The following PDCD10 variants were observed in gnomAD, a reference collection of about 807,000 sequenced individuals.
The protein encoded by PDCD10 is programmed cell death 10, also known as programmed cell death protein 10.
Under a neutral mutation model 29.2 loss-of-function variants are expected in PDCD10, and 4 were observed. The ratio of observed to expected loss-of-function variants is 0.14; its 90% CI spans 0.07 to 0.31. The LOEUF (loss-of-function observed/expected upper bound fraction) is 0.31, where lower values mean the gene tolerates loss of function less well. Ranked by LOEUF, PDCD10 falls within the 10% of genes least tolerant of loss-of-function variation. The pLI, the probability that PDCD10 is intolerant of heterozygous loss-of-function variation, is 1.00. For missense variants in PDCD10, 183 were observed against 257.9 expected (o/e 0.71, Z 1.99); for synonymous variants, 70 against 82.2 (o/e 0.85, Z 0.80).
At chr3:167,720,798 A>T (rs562587182) in intron 2 of PDCD10, among the ~76,000 whole-genome samples, 1 of 152,114 alleles carries the variant, frequency 6.6e-6, no homozygotes, top group Admixed American at 6.6e-5. Flanking sequence ...CACAAACATA[A>T]CAAGCACCAA....
chr3:167,728,876 C>T (rs1282337262), intron 2 of PDCD10, among the ~76,000 whole-genome samples: 1 of 152,228 alleles, frequency 6.6e-6, no homozygotes, highest in Non-Finnish European at 1.5e-5. Flanking sequence ...ACATGTCACA[C>T]TGCCACTTGG....
At chr3:167,728,847 A>T (rs535957621) in intron 2 of PDCD10, among the ~76,000 whole-genome samples, 24 of 152,306 alleles carry the variant, frequency 1.6e-4, no homozygotes, top group African/African-American at 5.5e-4. Flanking sequence ...GGGAAGAGAG[A>T]CAGTAAAGAA....
intron 6 of PDCD10, among the ~76,000 whole-genome samples, chr3:167,691,609 A>C (rs1720248736): frequency 6.6e-6 from 1 of 152,214 alleles, no homozygotes; most frequent in African/African-American, 2.4e-5. Flanking sequence ...AGGATGTCAA[A>C]GTGACAGGAT....
intron 2 of PDCD10, among the ~76,000 whole-genome samples, chr3:167,727,328 GA>G (rs1340533709): frequency 2.0e-5 from 3 of 152,136 alleles, no homozygotes; most frequent in Admixed American, 2.0e-4. Flanking sequence ...TGTTCAGGGG[GA>G]AAAACATACA....
intron 3 of PDCD10, among the ~76,000 whole-genome samples, chr3:167,711,760 A>G (rs1354903217): frequency 1.3e-5 from 2 of 152,150 alleles, no homozygotes; most frequent in East Asian, 1.9e-4. Flanking sequence ...AGGATCCTAA[A>G]AGCAGCAAGA....
intron 5 of PDCD10, 91 bp downstream of exon 5, chr3:167,696,918 G>A (rs376487400): frequency 6.3e-6 from 5 of 790,112 alleles, no homozygotes; most frequent in South Asian, 1.3e-5. Context: ...AAAACAGTAG[G>A]GAAGGAAGAT....
chr3:167,724,092 A>G (rs1313246841), intron 2 of PDCD10, among the ~76,000 whole-genome samples: 1 of 152,168 alleles, frequency 6.6e-6, no homozygotes, highest in Non-Finnish European at 1.5e-5. Flanking sequence ...ACACATGGGT[A>G]TATCTCAGGG....
At chr3:167,686,540 A>T (rs145741696) in intron 8 of PDCD10, among the ~76,000 whole-genome samples, 3 of 152,348 alleles carry the variant, frequency 2.0e-5, no homozygotes, top group African/African-American at 7.2e-5. Context: ...ACTCTAATGC[A>T]CAGAAAGGAT....
rs1374483656 is a variant in PDCD10, at chr3:167,687,806, C to G, written c.396-113G>C. The G allele has an allele frequency of 1.0e-5, 7 of 691,558 alleles. No individual in the cohort carries two copies. In the South Asian group the frequency reaches 1.1e-4, roughly 11 times the overall value. 42.8% of individuals were successfully genotyped at this position (691,558 alleles called of 1,614,324 possible). A position where few individuals can be genotyped will look rare whatever the true frequency, so the allele number is the denominator to read the frequency against. ...GTACACTCTTAATCTAATCACAGTA[C>G]ACTCTTAATTATGTTAAGCGCAATC... On this transcript the variant is annotated intron_variant, in intron 6 of 8. Coordinates refer to ENST00000392750, the MANE Select transcript of PDCD10 (RefSeq NM_007217.4).
At chr3:167,732,437 A>T (rs1221657190) in intron 2 of PDCD10, among the ~76,000 whole-genome samples, 1 of 152,226 alleles carries the variant, frequency 6.6e-6, no homozygotes, top group Non-Finnish European at 1.5e-5. Context: ...AAATGCAGAC[A>T]CTGGTGAGCT....
In PDCD10 at chr3:167,734,890, C is replaced by G. The variant is rs1725264450; in HGVS notation, c.-482G>C. On this transcript the variant is annotated 5_prime_UTR_variant, in exon 1 of 9. Transcript: ENST00000392750. ...ATTCACTCCGGCGACGCCGGAAGGACCCAAGAGGAACCAGGCGTTGTCCGG... is the reference window on the plus strand; with the variant it reads ...ATTCACTCCGGCGACGCCGGAAGGAGCCAAGAGGAACCAGGCGTTGTCCGG... 1.3e-5 allele frequency: 2 copies of G among 153,116 alleles called. No individual in the cohort carries two copies. Among genetic ancestry groups the G allele is most frequent in the African/African-American group, 4.8e-5 (2 of 41,482 alleles). 9.5% of individuals were successfully genotyped at this position (153,116 alleles called of 1,614,324 possible). A position where few individuals can be genotyped will look rare whatever the true frequency, so the allele number is the denominator to read the frequency against.
intron 2 of PDCD10, chr3:167,730,966 A>G (rs1724741636): frequency 6.6e-6 from 1 of 152,158 alleles, no homozygotes; most frequent in Admixed American, 6.5e-5. Context: ...GGAAGATAGC[A>G]AGGTTAAAAA....
chr3:167,704,829 A>AT lies in PDCD10; in HGVS notation c.150+12dup. The stretch of plus-strand genomic sequence containing the variant: ...TACACTTTAATAATCATAGTAAATT[A>AT]TTTGCACCTCACCTTGATGAAAGCG... On this transcript the variant is annotated intron_variant, in intron 4 of 8. Coordinates refer to ENST00000392750, the MANE Select transcript of PDCD10 (RefSeq NM_007217.4). 1 of 1,549,348 alleles carries AT rather than the reference A, an allele frequency of 6.5e-7. No homozygotes were observed. Among genetic ancestry groups the AT allele is most frequent in the Non-Finnish European group, 8.9e-7 (1 of 1,121,288 alleles).
At chr3:167,689,928 A>T (rs1184433313) in intron 6 of PDCD10, among the ~76,000 whole-genome samples, 1 of 152,184 alleles carries the variant, frequency 6.6e-6, no homozygotes, top group Non-Finnish European at 1.5e-5. Flanking sequence ...ATTTTCATTT[A>T]TGGCACCAAG....
chr3:167,698,542 A>G (rs1023575171), intron 4 of PDCD10, among the ~76,000 whole-genome samples: 4 of 137,048 alleles, frequency 2.9e-5, no homozygotes, highest in African/African-American at 1.2e-4. Flanking sequence ...TATTAAAAAC[A>G]AAACAAAACA....
intron 2 of PDCD10, among the ~76,000 whole-genome samples, chr3:167,729,427 C>T (rs80281373): frequency 0.014 from 2,069 of 152,246 alleles, 44 homozygotes; most frequent in African/African-American, 0.048. Context: ...AGTTCAATCA[C>T]TAACATCATT....
intron 3 of PDCD10, among the ~76,000 whole-genome samples, chr3:167,718,426 T>C (rs1449500778): frequency 6.6e-6 from 1 of 152,038 alleles, no homozygotes; most frequent in Non-Finnish European, 1.5e-5. Context: ...ATTACTGGTG[T>C]TGGCTACAGC....
At chr3:167,704,813 A>G (rs1245411672) in intron 4 of PDCD10, 29 bp downstream of exon 4, 2 of 1,460,388 alleles carry the variant, frequency 1.4e-6, no homozygotes, top group Non-Finnish European at 1.9e-6. Flanking sequence ...ATACACTTTA[A>G]TAATCATAGT....
intron 6 of PDCD10, among the ~76,000 whole-genome samples, chr3:167,689,791 A>T (rs1366904125): frequency 6.6e-6 from 1 of 152,226 alleles, no homozygotes; most frequent in Non-Finnish European, 1.5e-5. Context: ...TTTATTCCTA[A>T]GCCTCTGTTT....
Sources: allele counts gnomAD v4.1 joint callset (sites outside exome capture counted in the v4.1 genomes callset), GRCh38; gene constraint gnomAD v4.1.1; transcripts MANE v1.5; gene names NCBI Gene and HGNC (gene_info 2026-07-23, HGNC 2026-07-21).